STK31: variants seen among roughly 807,000 people sequenced by gnomAD.
The protein encoded by STK31 is serine/threonine-protein kinase 31.
In STK31, 89 loss-of-function variants were observed where a neutral mutation model predicts 129.7. The ratio of observed to expected loss-of-function variants is 0.69; its 90% CI spans 0.58 to 0.82. The LOEUF is 0.82. Among genes scored for constraint, STK31 ranks in the 40% least tolerant of loss-of-function variants. The probability of loss-of-function intolerance (pLI) is 0.00; values close to 1 mark genes in which losing one functional copy is unlikely to be tolerated. For synonymous variants in STK31, 448 were observed against 395.3 expected, an observed-to-expected ratio of 1.13 and a Z score of -1.58; for missense variants, 1,187 against 1,176.4, an observed-to-expected ratio of 1.01 and a Z score of -0.13.
chr7:23,786,337 C>T (rs932234168), intron 18 of STK31, among the ~76,000 whole-genome samples, 171 bp from the exon 19 acceptor site: 4 of 151,780 alleles, frequency 2.6e-5, no homozygotes, highest in African/African-American at 9.7e-5. Flanking sequence ...ATTGCACTTT[C>T]CTTTTCCAAA....
At chr7:23,832,065 G>A in intron 23 of STK31, 71 bp from the exon 24 acceptor site, 1 of 1,103,554 alleles carries the variant, frequency 9.1e-7, no homozygotes. Context: ...GAAAAAATAA[G>A]TCCACTTCCT....
At chr7:23,814,043 G>A (rs891550113) in intron 22 of STK31, among the ~76,000 whole-genome samples, 3 of 151,798 alleles carry the variant, frequency 2.0e-5, no homozygotes, top group African/African-American at 7.3e-5. Context: ...GGCCTCACAT[G>A]GTGGTGTTGA....
At chr7:23,824,891 G>A (rs1226174595) in intron 23 of STK31, among the ~76,000 whole-genome samples, 1 of 151,750 alleles carries the variant, frequency 6.6e-6, no homozygotes, top group East Asian at 1.9e-4. Flanking sequence ...TTTATATGCT[G>A]GATTACGTTT....
At position 23,781,173 on chromosome 7, in the gene STK31, G is replaced by A. The variant is rs1790902571; in HGVS notation, c.1966-246G>A. 4.6e-5 allele frequency among the ~76,000 whole-genome samples: 7 copies of A among 152,132 alleles called. No homozygotes were observed. The South Asian group carries it at 1.5e-3, about 32-fold the overall frequency. The stretch of plus-strand genomic sequence containing the variant: ...AAATCTACAGCAGATGAAGAGACAA[G>A]AAAAATCTGTATAATTGATTTTATG... On this transcript the variant is annotated intron_variant, in intron 15 of 23. Transcript: ENST00000355870.
chr7:23,814,635 G>T (rs964121955), intron 22 of STK31, among the ~76,000 whole-genome samples: 1 of 152,032 alleles, frequency 6.6e-6, no homozygotes, highest in Admixed American at 6.6e-5. Context: ...GGTTGTTAGG[G>T]CTAGGGGATG....
intron 8 of STK31, among the ~76,000 whole-genome samples, chr7:23,746,504 T>C (rs948086616): frequency 3.3e-5 from 5 of 152,228 alleles, no homozygotes; most frequent in Admixed American, 2.0e-4. Context: ...TTTGGCTCTT[T>C]TCTCAGAGGG....
chr7:23,780,050 T>G (rs1790817691), intron 15 of STK31, among the ~76,000 whole-genome samples: 2 of 152,230 alleles, frequency 1.3e-5, no homozygotes, highest in South Asian at 4.1e-4. Flanking sequence ...GAACCGTTCC[T>G]GATGGCACAG....
intron 6 of STK31, among the ~76,000 whole-genome samples, chr7:23,730,030 A>G (rs1425316619): frequency 6.6e-6 from 1 of 152,074 alleles, no homozygotes; most frequent in Non-Finnish European, 1.5e-5. Flanking sequence ...GCTTATGTGG[A>G]TTCTAGTTTA....
intron 8 of STK31, among the ~76,000 whole-genome samples, chr7:23,748,583 C>T: frequency 6.6e-6 from 1 of 152,300 alleles, no homozygotes; most frequent in South Asian, 2.1e-4. Flanking sequence ...GGAATACCAA[C>T]CTCTCCTCTT....
Position 23,832,337 on chromosome 7 carries a change from A to G in STK31, c.3031A>G (p.Arg1011Gly), listed in dbSNP as rs1179843189. Residue 1011 changes from arginine (R) to glycine (G), a missense_variant, in exon 24 of 24, where the codon AGA (arginine) becomes GGA (glycine). Arg to Gly is a moderately radical substitution (Grantham distance 125, BLOSUM62 -2). Around this residue, in one of 5 missense-constraint regions of STK31, gnomAD observed 975 missense variants for 934.9 expected, o/e 1.04. Coordinates refer to ENST00000355870, the MANE Select transcript of STK31 (RefSeq NM_031414.5). The stretch of plus-strand genomic sequence containing the variant: ...CTTGGATAAATGTATGGAGAAGACA[A>G]GAAATGGTGAAGCCAACTTTGATTG... ...ENLDKCMEKT[R>G]NGEANFDC 1 of 1,611,240 alleles carries G rather than the reference A, an allele frequency of 6.2e-7. No homozygotes were observed. The highest frequency in any genetic ancestry group is 2.2e-5 in the East Asian group (1 of 44,848).
chr7:23,735,968 C>G, intron 7 of STK31, 72 bp downstream of exon 7: 2 of 1,300,478 alleles, frequency 1.5e-6, no homozygotes, highest in Non-Finnish European at 2.1e-6. Context: ...GAAGTTAAGG[C>G]TTATGCTTTT....
intron 6 of STK31, 71 bp downstream of exon 6, chr7:23,729,320 A>G: frequency 1.5e-6 from 2 of 1,367,256 alleles, no homozygotes; most frequent in Non-Finnish European, 2.0e-6. Flanking sequence ...ATGTAGGTAT[A>G]GTTAAATCTT....
Position 23,793,232 on chromosome 7 carries a change from A to G in STK31, c.2760+2286A>G, listed in dbSNP as rs993721710. On this transcript the variant is annotated intron_variant, in intron 22 of 23. Transcript: ENST00000355870. ...TAAATTTTGATTCATTTCTTATACCATGCACAAAAATTAGCTCAAAATGTG... is the reference window on the plus strand; with the variant it reads ...TAAATTTTGATTCATTTCTTATACCGTGCACAAAAATTAGCTCAAAATGTG... Among the ~76,000 whole-genome samples the G allele has an allele frequency of 5.3e-5, 8 of 152,380 alleles. No individual in the cohort carries two copies. The East Asian group carries it at 7.7e-4, about 15-fold the overall frequency.
chr7:23,763,202 G>A (rs1245274656), intron 11 of STK31, among the ~76,000 whole-genome samples: 1 of 152,076 alleles, frequency 6.6e-6, no homozygotes, highest in Non-Finnish European at 1.5e-5. Context: ...GCAGGTATGT[G>A]GGTCCCTATC....
At position 23,771,026 on chromosome 7, in the gene STK31, G is replaced by C. The variant is rs1174974521; in HGVS notation, c.1735G>C (p.Glu579Gln). 2 of 1,611,216 alleles carry C rather than the reference G, an allele frequency of 1.2e-6. No individual in the cohort carries two copies. Among genetic ancestry groups the C allele is most frequent in the East Asian group, 2.2e-5 (1 of 44,738 alleles). ...TTAGGATCAAGGTGATGCAGACAAG[G>C]AGATAATTTCAAATACATATAGTCA... is the stretch of plus-strand genomic sequence containing the variant. Reference protein sequence around the residue: ...ALVDQGDADKEIISNTYSQVL... With the variant: ...ALVDQGDADKQIISNTYSQVL... The change falls in exon 14 of 24, where the codon GAG (glutamate) becomes CAG (glutamine). Residue 579 changes from glutamate (E) to glutamine (Q), a missense_variant. By Grantham distance (29) the Glu-to-Gln change is conservative. Around this residue, in one of 5 missense-constraint regions of STK31, gnomAD observed 975 missense variants for 934.9 expected, o/e 1.04. Transcript: ENST00000355870.
intron 15 of STK31, among the ~76,000 whole-genome samples, chr7:23,776,602 T>C (rs1167929297): frequency 6.6e-6 from 1 of 152,260 alleles, no homozygotes; most frequent in Non-Finnish European, 1.5e-5. Context: ...TTCTAGATTT[T>C]CTAGTCGATT....
chr7:23,742,822 A>C (rs527616526), intron 8 of STK31, among the ~76,000 whole-genome samples: 2 of 151,450 alleles, frequency 1.3e-5, no homozygotes, highest in African/African-American at 4.8e-5. Flanking sequence ...CACACTATCT[A>C]GTTGGCCATC....
chr7:23,744,143 C>T (rs771752939), intron 8 of STK31, among the ~76,000 whole-genome samples: 6 of 151,738 alleles, frequency 4.0e-5, no homozygotes, highest in Non-Finnish European at 8.8e-5. Flanking sequence ...CTCTTCTCAA[C>T]CCCTGAGCTC....
intron 14 of STK31, 192 bp downstream of exon 14, chr7:23,771,316 G>A (rs1346534627): frequency 2.3e-6 from 1 of 432,674 alleles, no homozygotes; most frequent in Non-Finnish European, 3.7e-6. Flanking sequence ...ATTTTATTAT[G>A]TCCATGAGAA....
Sources: gnomAD v4.1 joint callset for allele counts (sites outside exome capture counted in the v4.1 genomes callset) on GRCh38, gnomAD v4.1.1 for gene constraint, gnomAD v4.1.1 regional missense constraint, MANE v1.5 for transcripts, NCBI Gene and HGNC (gene_info 2026-07-23, HGNC 2026-07-21) for gene names.